EML6: variants seen among roughly 807,000 people sequenced by gnomAD.
EML6 encodes the protein EMAP like 6.
A neutral mutation model predicts 240.1 loss-of-function variants in EML6; 154 were observed. The observed-to-expected ratio is 0.64, with a 90% CI of 0.56 to 0.73. The LOEUF (loss-of-function observed/expected upper bound fraction) is 0.73. Ranked by LOEUF, EML6 falls within the 30% of genes least tolerant of loss-of-function variation. EML6 has a pLI of 0.00. For synonymous variants in EML6, 1,148 were observed against 899.0 expected, an observed-to-expected ratio of 1.28 and a Z score of -4.95; for missense variants, 2,964 against 2,474.6, an observed-to-expected ratio of 1.20 and a Z score of -4.20.
Position 54,871,480 on chromosome 2 carries a change from C to G in EML6, c.2239-20C>G. 2 of 1,517,218 alleles carry G rather than the reference C, an allele frequency of 1.3e-6. No homozygotes were observed. Among genetic ancestry groups the G allele is most frequent in the South Asian group, 1.2e-5 (1 of 83,370 alleles). The allele number at this position is 1,517,218 out of a possible 1,614,324, so 94.0% of individuals were successfully genotyped here. ...AGTATAACGTGTTAGTAGTTAATAACAGTCATTCTGTTATTTAAGGTTGGA... is the reference window on the plus strand; with the variant it reads ...AGTATAACGTGTTAGTAGTTAATAAGAGTCATTCTGTTATTTAAGGTTGGA... On this transcript the variant is annotated intron_variant, in intron 15 of 41. Transcript: ENST00000356458.
intron 7 of EML6, among the ~76,000 whole-genome samples, chr2:54,832,897 T>C (rs1252268280): frequency 6.6e-6 from 1 of 152,240 alleles, no homozygotes; most frequent in Non-Finnish European, 1.5e-5. Context: ...TGAAGCTTCC[T>C]TGTTCTCAGT....
intron 2 of EML6, among the ~76,000 whole-genome samples, chr2:54,732,842 C>G (rs1185056763): frequency 1.3e-5 from 2 of 152,176 alleles, no homozygotes; most frequent in Non-Finnish European, 2.9e-5. Flanking sequence ...TAGTGACCAA[C>G]AACAGTCTAT....
At chr2:54,923,133 G>T (rs1366783338) in intron 26 of EML6, among the ~76,000 whole-genome samples, 2 of 151,734 alleles carry the variant, frequency 1.3e-5, no homozygotes, top group African/African-American at 4.8e-5. Context: ...TAGAGATGGG[G>T]TTTCTCCATG....
At chr2:54,919,974 T>C (rs1419168773) in intron 26 of EML6, among the ~76,000 whole-genome samples, 1 of 152,238 alleles carries the variant, frequency 6.6e-6, no homozygotes, top group Non-Finnish European at 1.5e-5. Context: ...ATTGTGAAGA[T>C]TTTGAAGCAT....
chr2:54,944,627 C>T (rs545953798), intron 28 of EML6, among the ~76,000 whole-genome samples: 28 of 152,236 alleles, frequency 1.8e-4, no homozygotes, highest in African/African-American at 6.7e-4. Flanking sequence ...AAGACGATAT[C>T]CCCATTTTTT....
At chr2:54,781,233 G>A (rs1218773903) in intron 2 of EML6, among the ~76,000 whole-genome samples, 1 of 152,158 alleles carries the variant, frequency 6.6e-6, no homozygotes, top group Non-Finnish European at 1.5e-5. Context: ...TGGCAGGCTG[G>A]CATAAGTGTT....
intron 22 of EML6, among the ~76,000 whole-genome samples, 184 bp downstream of exon 22, chr2:54,899,966 C>A (rs1165725660): frequency 6.6e-6 from 1 of 152,204 alleles, no homozygotes; most frequent in African/African-American, 2.4e-5. Context: ...TGCCAGAAGG[C>A]TGGCCTAATC....
At chr2:54,793,046 T>C (rs1348361081) in intron 2 of EML6, among the ~76,000 whole-genome samples, 1 of 152,190 alleles carries the variant, frequency 6.6e-6, no homozygotes, top group Non-Finnish European at 1.5e-5. Context: ...GGCAGGCAGA[T>C]TGCATGAGGC....
intron 2 of EML6, among the ~76,000 whole-genome samples, chr2:54,734,554 G>T (rs1268966120): frequency 6.6e-6 from 1 of 152,172 alleles, no homozygotes; most frequent in Non-Finnish European, 1.5e-5. Context: ...GGTTAGAGGG[G>T]CGCAGATGGA....
chr2:54,965,503 C>T (rs561046305), intron 38 of EML6, among the ~76,000 whole-genome samples: 52 of 152,208 alleles, frequency 3.4e-4, no homozygotes, highest in African/African-American at 1.1e-3. Context: ...GCTGGCTGTG[C>T]GGGAGACCGG....
At chr2:54,907,536 G>T (rs751320822) in intron 24 of EML6, among the ~76,000 whole-genome samples, 1 of 152,086 alleles carries the variant, frequency 6.6e-6, no homozygotes, top group Non-Finnish European at 1.5e-5. Flanking sequence ...GACAATTTGA[G>T]CCATAATAGG....
intron 2 of EML6, among the ~76,000 whole-genome samples, chr2:54,793,217 A>G (rs1162776869): frequency 1.3e-5 from 2 of 152,184 alleles, no homozygotes; most frequent in African/African-American, 4.8e-5. Context: ...CAGTGAGCCA[A>G]ATTTGCACCA....
At chr2:54,850,811 T>C (rs912805960) in intron 10 of EML6, among the ~76,000 whole-genome samples, 2 of 152,168 alleles carry the variant, frequency 1.3e-5, no homozygotes, top group African/African-American at 4.8e-5. Context: ...TTTATCAGCA[T>C]GAGGAGAGTT....
chr2:54,848,383 A>G (rs1669884207), intron 9 of EML6, among the ~76,000 whole-genome samples: 1 of 152,178 alleles, frequency 6.6e-6, no homozygotes, highest in Non-Finnish European at 1.5e-5. Context: ...AGCACAGTTT[A>G]TTACACTACA....
chr2:54,842,866 G>A (rs1288662993), intron 7 of EML6, among the ~76,000 whole-genome samples: 11 of 152,200 alleles, frequency 7.2e-5, no homozygotes. Context: ...TTGTGGAGAA[G>A]ATTCCATAAA....
At chr2:54,788,524 C>G (rs1669214327) in intron 2 of EML6, among the ~76,000 whole-genome samples, 1 of 152,200 alleles carries the variant, frequency 6.6e-6, no homozygotes, top group East Asian at 1.9e-4. Context: ...GGGGCCGCCC[C>G]CCGCCCCAGC....
At chr2:54,878,551 A>C (rs1671645402) in intron 16 of EML6, among the ~76,000 whole-genome samples, 1 of 152,216 alleles carries the variant, frequency 6.6e-6, no homozygotes, top group Non-Finnish European at 1.5e-5. Flanking sequence ...TTTTATTTGA[A>C]ATTTAATTGT....
chr2:54,822,584 AATG>A (rs1205785366), intron 5 of EML6, among the ~76,000 whole-genome samples: 3 of 152,224 alleles, frequency 2.0e-5, no homozygotes, highest in South Asian at 2.1e-4. Flanking sequence ...TTATGTTTTA[AATG>A]ATGATATTGG....
At chr2:54,960,442 G>A (rs938863306) in intron 35 of EML6, 108 bp downstream of exon 35, 38 of 762,042 alleles carry the variant, frequency 5.0e-5, no homozygotes, top group South Asian at 2.6e-4. Context: ...TTGAAACAAG[G>A]CCTCAATACA....
Sources: allele counts gnomAD v4.1 joint callset (sites outside exome capture counted in the v4.1 genomes callset), GRCh38; gene constraint gnomAD v4.1.1; transcripts MANE v1.5; gene names NCBI Gene and HGNC (gene_info 2026-07-23, HGNC 2026-07-21).